Variants in SPC24 observed in about 807,000 individuals in gnomAD.
SPC24 encodes the protein kinetochore protein Spc24.
In SPC24, 31 loss-of-function variants were observed where a neutral mutation model predicts 27.6. The observed-to-expected ratio is 1.12, with a 90% confidence interval of 0.84 to 1.52. The LOEUF is 1.52. Among genes scored for constraint, SPC24 ranks in the 40% most tolerant of loss-of-function variants. SPC24 has a pLI of 0.00. For synonymous variants in SPC24, 105 were observed against 105.8 expected (o/e 0.99, Z 0.05); for missense variants, 284 against 252.5 (o/e 1.12, Z -0.84).
chr19:11,148,107 T>C lies in SPC24; in HGVS notation c.316A>G (p.Arg106Gly), dbSNP rs1366692824. The change falls in exon 3 of 5, where the codon AGA becomes GGA. Residue 106 changes from arginine (R) to glycine (G), a missense_variant. Transcript: ENST00000592540. ...RLKASLLQLT[R>G]ELEELKEIEA... ...ATCTCCTTGAGCTCTTCCAGCTCTC[T>C]GGTGAGCTGAGTAGGGCAGGTCGTT... 1 of 1,613,112 alleles carries C rather than the reference T, an allele frequency of 6.2e-7. No individual in the cohort carries two copies. The highest frequency in any genetic ancestry group is 1.1e-5 in the South Asian group (1 of 91,008).
rs756722263 is a variant in SPC24, at chr19:11,147,245, T to C, written c.532A>G (p.Thr178Ala). Residue 178 changes from threonine (T) to alanine (A), a missense_variant, in exon 5 of 5, where the codon ACC (threonine) becomes GCC (alanine). By Grantham distance (58) the Thr-to-Ala change is moderately conservative. Coordinates refer to ENST00000592540, the MANE Select transcript of SPC24 (RefSeq NM_182513.4). ...CTGATGAATTTCCTGGAGAGCTGGG[T>C]GCTGTCCAGGTGGATGGGCTGGGCC... ...SVAQPIHLDS[T>A]QLSRKFISDY... 62 of 1,566,738 alleles carry C rather than the reference T, an allele frequency of 4.0e-5. No individual in the cohort carries two copies. The highest frequency in any genetic ancestry group is 5.0e-5 in the Non-Finnish European group (58 of 1,155,146).
rs754366524 is a variant in SPC24, at chr19:11,147,780, A to G, written c.487+38T>C. The G allele has an allele frequency of 4.0e-6, 6 of 1,508,788 alleles. No homozygotes were observed. In the South Asian group the frequency reaches 6.9e-5, roughly 17 times the overall value. 93.5% of individuals were successfully genotyped at this position (1,508,788 alleles called of 1,614,324 possible). A position where few individuals can be genotyped will look rare whatever the true frequency, so the allele number is the denominator to read the frequency against. ...TGCACCATTTTATGTCCCTACCTAC[A>G]GTGCACAAGGGTTAAAATGGCTCCC... On this transcript the variant is annotated intron_variant, in intron 4 of 4. Coordinates refer to ENST00000592540, the MANE Select transcript of SPC24 (RefSeq NM_182513.4).
chr19:11,155,522 C>T (rs2082935803), intron 1 of SPC24, 95 bp downstream of exon 1: 1 of 1,395,110 alleles, frequency 7.2e-7, no homozygotes, highest in East Asian at 2.6e-5. Context: ...ATGGGAGAGT[C>T]CAGGAGAGAA....
intron 1 of SPC24, among the ~76,000 whole-genome samples, chr19:11,149,926 G>A (rs1474083387): frequency 1.3e-5 from 2 of 151,440 alleles, no homozygotes; most frequent in African/African-American, 2.4e-5. Flanking sequence ...TGGTCAGGCT[G>A]GTCTCAAACT....
At chr19:11,150,848 C>A (rs917187824) in intron 1 of SPC24, among the ~76,000 whole-genome samples, 1 of 151,356 alleles carries the variant, frequency 6.6e-6, no homozygotes, top group African/African-American at 2.4e-5. Flanking sequence ...TTCCTAGAAA[C>A]CTGCCAACTC....
intron 1 of SPC24, among the ~76,000 whole-genome samples, chr19:11,153,083 C>A (rs1350887977): frequency 1.3e-5 from 2 of 152,040 alleles, no homozygotes; most frequent in Admixed American, 6.6e-5. Context: ...AACCGTATGG[C>A]GGTTCCTCAG....
intron 4 of SPC24, chr19:11,147,599 T>C (rs528916118): frequency 5.1e-6 from 3 of 586,518 alleles, no homozygotes; most frequent in Non-Finnish European, 9.1e-6. Flanking sequence ...TGGCCTGCTA[T>C]ACTTTACTAT....
At chr19:11,148,213 C>T (rs960346611) in intron 2 of SPC24, 96 bp from the exon 3 acceptor site, 3 of 763,336 alleles carry the variant, frequency 3.9e-6, no homozygotes, top group Middle Eastern at 3.6e-4. Context: ...TATTTACGCA[C>T]ACTCTCTTCT....
At chr19:11,153,102 C>T (rs2077884667) in intron 1 of SPC24, among the ~76,000 whole-genome samples, 1 of 152,074 alleles carries the variant, frequency 6.6e-6, no homozygotes, top group African/African-American at 2.4e-5. Context: ...AGAAATCAAA[C>T]TTTGAATTAC....
At chr19:11,152,324 C>G (rs2077879121) in intron 1 of SPC24, among the ~76,000 whole-genome samples, 1 of 152,152 alleles carries the variant, frequency 6.6e-6, no homozygotes, top group Non-Finnish European at 1.5e-5. Context: ...ATTCTCCTGT[C>G]TCAGCCTCCC....
intron 4 of SPC24, 75 bp downstream of exon 4, chr19:11,147,743 A>T: frequency 7.5e-7 from 1 of 1,333,480 alleles, no homozygotes; most frequent in Non-Finnish European, 1.0e-6. Context: ...TAATTTTTAC[A>T]GGGTCCTGCT....
chr19:11,147,590 G>T, intron 4 of SPC24: 1 of 580,268 alleles, frequency 1.7e-6, no homozygotes, highest in Non-Finnish European at 3.1e-6. Flanking sequence ...TACCACACTT[G>T]GCCTGCTATA....
At chr19:11,151,734 T>C (rs1055560578) in intron 1 of SPC24, among the ~76,000 whole-genome samples, 6 of 143,966 alleles carry the variant, frequency 4.2e-5, no homozygotes, top group South Asian at 2.3e-4. Flanking sequence ...CTCAGCCTCC[T>C]GAGTAGCTGG....
chr19:11,145,700 T>C lies in SPC24; in HGVS notation c.*1483A>G, dbSNP rs1192291163. 1 of 152,172 alleles carries C rather than the reference T, an allele frequency of 6.6e-6. No homozygotes were observed. The highest frequency in any genetic ancestry group is 1.5e-5 in the Non-Finnish European group (1 of 68,040). The allele number at this position is 152,172 out of a possible 1,614,324, so 9.4% of individuals were successfully genotyped here. A position where few individuals can be genotyped will look rare whatever the true frequency, so the allele number is the denominator to read the frequency against. On this transcript the variant is annotated 3_prime_UTR_variant, in exon 5 of 5. Transcript: ENST00000592540. ...CGGCACTCGTCTGTACACGTGGCAG[T>C]ATGGCTGCCAGGGCTCCAGCCATCA...
At chr19:11,148,748 C>T (rs867915844) in intron 2 of SPC24, among the ~76,000 whole-genome samples, 5 of 152,048 alleles carry the variant, frequency 3.3e-5, no homozygotes, top group African/African-American at 4.8e-5. Context: ...CCTGGGCTCA[C>T]GCCATTCTCC....
At chr19:11,153,185 C>T (rs2077885264) in intron 1 of SPC24, among the ~76,000 whole-genome samples, 1 of 152,054 alleles carries the variant, frequency 6.6e-6, no homozygotes, top group Non-Finnish European at 1.5e-5. Flanking sequence ...GTGGCTCACG[C>T]CTGTAATCCC....
At position 11,148,095 on chromosome 19, in the gene SPC24, C is replaced by T; in HGVS notation, c.328G>A (p.Glu110Lys). 2 of 1,613,778 alleles carry T rather than the reference C, an allele frequency of 1.2e-6. No individual in the cohort carries two copies. The highest frequency in any genetic ancestry group is 1.1e-5 in the South Asian group (1 of 91,058). The change falls in exon 3 of 5, where the codon GAG (glutamate) becomes AAG (lysine). Residue 110 changes from glutamate to lysine, a missense_variant. Transcript: ENST00000592540. ...AGATCCGCCTCAATCTCCTTGAGCTCTTCCAGCTCTCTGGTGAGCTGAGTA... is the reference window on the plus strand; with the variant it reads ...AGATCCGCCTCAATCTCCTTGAGCTTTTCCAGCTCTCTGGTGAGCTGAGTA... The part of the protein sequence containing the change: ...SLLQLTRELE[E>K]LKEIEADLER...
chr19:11,151,034 G>A (rs901845514), intron 1 of SPC24, among the ~76,000 whole-genome samples: 14 of 151,754 alleles, frequency 9.2e-5, no homozygotes, highest in Non-Finnish European at 2.1e-4. Context: ...GTGGCGGAGG[G>A]CGCCTGTAGT....
chr19:11,153,884 G>C (rs894789438), intron 1 of SPC24, among the ~76,000 whole-genome samples: 6 of 149,020 alleles, frequency 4.0e-5, no homozygotes, highest in Non-Finnish European at 8.9e-5. Context: ...TGGCTAACAC[G>C]GTGAAACCCC....
Sources: gnomAD v4.1 joint callset for allele counts (sites outside exome capture counted in the v4.1 genomes callset) on GRCh38, gnomAD v4.1.1 for gene constraint, MANE v1.5 for transcripts, NCBI Gene and HGNC (gene_info 2026-07-23, HGNC 2026-07-21) for gene names.